Variants in NKAIN2 observed in about 807,000 individuals in gnomAD.
NKAIN2 encodes sodium/potassium transporting ATPase interacting 2.
Under a neutral mutation model 32.6 loss-of-function variants are expected in NKAIN2, and 14 were observed. That is an observed-to-expected ratio of 0.43 (90% CI 0.28 to 0.67). NKAIN2 has a LOEUF of 0.67. NKAIN2 is among the 30% of genes least tolerant of loss of function. The pLI, the probability that NKAIN2 is intolerant of heterozygous loss-of-function variation, is 0.17. For missense variants in NKAIN2, 198 were observed against 258.3 expected (o/e 0.77, Z 1.60); for synonymous variants, 80 against 87.2 (o/e 0.92, Z 0.46).
intron 1 of NKAIN2, among the ~76,000 whole-genome samples, chr6:124,063,179 C>T (rs191208333): frequency 1.8e-3 from 276 of 150,840 alleles, no homozygotes; most frequent in African/African-American, 6.5e-3. Context: ...AGTGAGACTC[C>T]ATCTCAAAAA....
intron 1 of NKAIN2, among the ~76,000 whole-genome samples, chr6:123,820,876 A>G (rs1367696022): frequency 2.0e-5 from 3 of 152,234 alleles, no homozygotes; most frequent in Non-Finnish European, 2.9e-5. Context: ...ACTCTTATCC[A>G]TTCGTCTGTA....
intron 1 of NKAIN2, among the ~76,000 whole-genome samples, chr6:123,994,262 G>A (rs993727381): frequency 6.6e-6 from 1 of 151,718 alleles, no homozygotes; most frequent in Non-Finnish European, 1.5e-5. Context: ...TTACTCTGGG[G>A]ACCTTGAACG....
chr6:124,095,430 A>G (rs1358017810), intron 1 of NKAIN2, among the ~76,000 whole-genome samples: 1 of 152,168 alleles, frequency 6.6e-6, no homozygotes, highest in African/African-American at 2.4e-5. Context: ...CATTACGTAC[A>G]TGTATTTATT....
chr6:124,660,677 G>A (rs1266085738), intron 4 of NKAIN2, among the ~76,000 whole-genome samples: 2 of 152,146 alleles, frequency 1.3e-5, no homozygotes, highest in Non-Finnish European at 2.9e-5. Context: ...CTTTCCAGGG[G>A]TGTACTACTT....
At chr6:124,649,427 A>C (rs1368714390) in intron 3 of NKAIN2, among the ~76,000 whole-genome samples, 1 of 152,218 alleles carries the variant, frequency 6.6e-6, no homozygotes, top group Non-Finnish European at 1.5e-5. Flanking sequence ...GAAATAGACA[A>C]ATTGAATAGG....
intron 1 of NKAIN2, among the ~76,000 whole-genome samples, chr6:124,220,473 C>T (rs1421314150): frequency 6.6e-6 from 1 of 150,862 alleles, no homozygotes; most frequent in African/African-American, 2.4e-5. Flanking sequence ...TTTTTTGGGG[C>T]CATTTAAGTT....
chr6:123,932,854 T>C (rs1200763429), intron 1 of NKAIN2, among the ~76,000 whole-genome samples: 1 of 151,982 alleles, frequency 6.6e-6, no homozygotes, highest in Non-Finnish European at 1.5e-5. Flanking sequence ...TTTCCTCTGA[T>C]TATTTTCTTT....
At chr6:123,804,573 G>A (rs1773135863) in intron 1 of NKAIN2, among the ~76,000 whole-genome samples, 1 of 152,120 alleles carries the variant, frequency 6.6e-6, no homozygotes, top group Non-Finnish European at 1.5e-5. Flanking sequence ...ATGTAACAAC[G>A]TGATTGTCAC....
chr6:124,296,088 AT>A (rs141609198), intron 2 of NKAIN2, among the ~76,000 whole-genome samples: 4,585 of 152,242 alleles, frequency 0.03, 89 homozygotes, highest in Non-Finnish European at 0.045. Flanking sequence ...TAAATAATGT[AT>A]AATTCCTCCA....
rs924815449 is a variant in NKAIN2, at chr6:124,474,805, CATATT to C, written c.273+119460_273+119464del. Among the ~76,000 whole-genome samples, 156 of 147,760 alleles carry C rather than the reference CATATT, an allele frequency of 1.1e-3. 1 individual carries two copies. The highest frequency in any genetic ancestry group is 3.6e-3 in the African/African-American group (147 of 40,560). ...TTACCCCTGTATATATATATACACA[CATATT>C]AGATATATACATATATATTTTACAT... is the stretch of plus-strand genomic sequence containing the variant. On this transcript the variant is annotated intron_variant, in intron 3 of 6. Coordinates refer to ENST00000368417, the MANE Select transcript of NKAIN2 (RefSeq NM_001040214.3).
At chr6:124,299,698 A>G (rs1796220626) in intron 2 of NKAIN2, among the ~76,000 whole-genome samples, 1 of 152,128 alleles carries the variant, frequency 6.6e-6, no homozygotes, top group Non-Finnish European at 1.5e-5. Flanking sequence ...CTTCTTTTCT[A>G]GTTCTACTTC....
chr6:124,490,417 T>TTTG, intron 3 of NKAIN2: 1 of 412,922 alleles, frequency 2.4e-6, no homozygotes, highest in Non-Finnish European at 4.7e-6. Flanking sequence ...TAGAGGTTTT[T>TTTG]TTTTTTTTTT....
At chr6:124,798,102 T>TCTAGCTAG (rs1344021417) in intron 5 of NKAIN2, among the ~76,000 whole-genome samples, 1 of 138,320 alleles carries the variant, frequency 7.2e-6, no homozygotes, top group African/African-American at 2.6e-5. Flanking sequence ...TATCTATCTA[T>TCTAGCTAG]CTATCATCTA....
chr6:124,499,690 T>C (rs1447463332), intron 3 of NKAIN2, among the ~76,000 whole-genome samples: 2 of 152,174 alleles, frequency 1.3e-5, no homozygotes, highest in African/African-American at 4.8e-5. Flanking sequence ...TGGTCTCAGA[T>C]TTAAGAGTCT....
intron 1 of NKAIN2, among the ~76,000 whole-genome samples, chr6:124,000,805 T>G (rs1779848618): frequency 6.6e-6 from 1 of 152,108 alleles, no homozygotes; most frequent in Non-Finnish European, 1.5e-5. Context: ...TTCTGTTGTT[T>G]GTTGAGAAGA....
chr6:124,279,806 C>T (rs1024049475), intron 1 of NKAIN2, among the ~76,000 whole-genome samples: 1 of 151,908 alleles, frequency 6.6e-6, no homozygotes, highest in African/African-American at 2.4e-5. Context: ...TAATCCATCA[C>T]ATTCATTGTA....
intron 3 of NKAIN2, among the ~76,000 whole-genome samples, chr6:124,466,678 G>T (rs1776770056): frequency 1.3e-5 from 2 of 151,202 alleles, no homozygotes; most frequent in African/African-American, 4.9e-5. Context: ...ATCACTGCAG[G>T]CATCCTGTAA....
chr6:124,195,296 A>G (rs1456285119), intron 1 of NKAIN2, among the ~76,000 whole-genome samples: 1 of 144,646 alleles, frequency 6.9e-6, no homozygotes, highest in East Asian at 2.0e-4. Context: ...GAATGTATTT[A>G]TTTTAAAAAT....
chr6:124,763,552 T>C (rs111408909), intron 4 of NKAIN2, among the ~76,000 whole-genome samples: 1 of 152,158 alleles, frequency 6.6e-6, no homozygotes, highest in Admixed American at 6.5e-5. Flanking sequence ...AATCCAATCA[T>C]CTCCCACCAG....
Sources: gnomAD v4.1 joint callset for allele counts (sites outside exome capture counted in the v4.1 genomes callset) on GRCh38, gnomAD v4.1.1 for gene constraint, MANE v1.5 for transcripts, NCBI Gene and HGNC (gene_info 2026-07-23, HGNC 2026-07-21) for gene names.